The following CDK8 variants were observed in gnomAD, a reference collection of about 807,000 sequenced individuals.
CDK8 encodes cyclin dependent kinase 8.
A neutral mutation model predicts 71.5 loss-of-function variants in CDK8; 29 were observed. The ratio of observed to expected loss-of-function variants is 0.41; its 90% CI spans 0.30 to 0.55. The LOEUF (loss-of-function observed/expected upper bound fraction) is 0.55, where lower values mean the gene tolerates loss of function less well. Ranked by LOEUF, CDK8 falls within the 20% of genes least tolerant of loss-of-function variation. The probability of loss-of-function intolerance (pLI) is 0.37; values close to 1 mark genes in which losing one functional copy is unlikely to be tolerated. For missense variants in CDK8, 288 were observed against 572.6 expected, an observed-to-expected ratio of 0.50 and a Z score of 5.07; for synonymous variants, 161 against 192.1, an observed-to-expected ratio of 0.84 and a Z score of 1.34.
intron 1 of CDK8, among the ~76,000 whole-genome samples, chr13:26,263,748 C>T (rs1484120858): frequency 7.3e-6 from 1 of 137,596 alleles, no homozygotes; most frequent in Non-Finnish European, 1.5e-5. Context: ...TAAAAGACTC[C>T]CTTTTTTTTT....
chr13:26,341,967 CTGGAGTACAG>C (rs1873260256), intron 2 of CDK8, among the ~76,000 whole-genome samples: 1 of 152,104 alleles, frequency 6.6e-6, no homozygotes, highest in Admixed American at 6.6e-5. Flanking sequence ...TTTCCCCAGG[CTGGAGTACAG>C]TGGCGCAATC....
intron 3 of CDK8, among the ~76,000 whole-genome samples, chr13:26,349,392 AAAG>A (rs1873594393): frequency 6.6e-6 from 1 of 152,252 alleles, no homozygotes; most frequent in Admixed American, 6.5e-5. Flanking sequence ...AACAGATACT[AAAG>A]AAAACAATAG....
intron 4 of CDK8, among the ~76,000 whole-genome samples, chr13:26,362,994 T>A: frequency 2.3e-4 from 1 of 4,318 alleles, no homozygotes; most frequent in South Asian, 6.8e-3. Context: ...TTCATTGTAG[T>A]TTTTTTTTTT....
chr13:26,403,827 A>T, intron 12 of CDK8, 129 bp from the exon 13 acceptor site: 1 of 1,113,320 alleles, frequency 9.0e-7, no homozygotes, highest in Non-Finnish European at 1.3e-6. Context: ...TTTAATTATA[A>T]AGTTAGTACA....
chr13:26,303,730 C>T (rs913331079), intron 1 of CDK8, among the ~76,000 whole-genome samples: 3 of 152,032 alleles, frequency 2.0e-5, no homozygotes, highest in African/African-American at 7.2e-5. Flanking sequence ...AGGATATGGC[C>T]AATTTTTATA....
At chr13:26,374,721 AAT>A (rs545275631) in intron 4 of CDK8, among the ~76,000 whole-genome samples, 197 of 152,296 alleles carry the variant, frequency 1.3e-3, no homozygotes, top group African/African-American at 4.5e-3. Context: ...TGCAAATTAA[AAT>A]ATGTTACATT....
chr13:26,265,223 T>C (rs999563697), intron 1 of CDK8, among the ~76,000 whole-genome samples: 1 of 152,174 alleles, frequency 6.6e-6, no homozygotes, highest in African/African-American at 2.4e-5. Context: ...CTGTGCCAGA[T>C]GTAGGTGATT....
chr13:26,383,018 T>C (rs1227359863), intron 5 of CDK8, 147 bp downstream of exon 5: 1 of 485,284 alleles, frequency 2.1e-6, no homozygotes, highest in East Asian at 3.2e-5. Context: ...TGCATAAAAG[T>C]GAAAAATGTT....
At chr13:26,400,203 GT>G (rs1876189318) in intron 9 of CDK8, 1 of 408,518 alleles carries the variant, frequency 2.4e-6, no homozygotes, top group Admixed American at 4.2e-5. Flanking sequence ...GATAATGGGG[GT>G]GGGGATCCAT....
chr13:26,303,656 C>T (rs1263249916), intron 1 of CDK8, among the ~76,000 whole-genome samples: 1 of 152,142 alleles, frequency 6.6e-6, no homozygotes. Context: ...CATTTATGAT[C>T]TTACATAGAA....
intron 1 of CDK8, among the ~76,000 whole-genome samples, chr13:26,304,323 G>T (rs901205737): frequency 6.6e-6 from 1 of 150,780 alleles, no homozygotes; most frequent in African/African-American, 2.4e-5. Context: ...CAATATGTAA[G>T]TTCAATTTTA....
At chr13:26,269,653 T>C (rs189552738) in intron 1 of CDK8, among the ~76,000 whole-genome samples, 43 of 152,312 alleles carry the variant, frequency 2.8e-4, no homozygotes, top group Non-Finnish European at 5.7e-4. Flanking sequence ...TACATGTCAC[T>C]TTAAAACAAT....
At chr13:26,287,537 A>G (rs2137895367) in intron 1 of CDK8, among the ~76,000 whole-genome samples, 1 of 152,124 alleles carries the variant, frequency 6.6e-6, no homozygotes, top group Admixed American at 6.5e-5. Context: ...CAAAGGCATA[A>G]GAGTGATATA....
chr13:26,313,888 T>C (rs144942081), intron 1 of CDK8, among the ~76,000 whole-genome samples: 217 of 152,104 alleles, frequency 1.4e-3, no homozygotes, highest in East Asian at 4.8e-3. Context: ...ACTGAATAGA[T>C]AGATGGAATA....
intron 4 of CDK8, among the ~76,000 whole-genome samples, chr13:26,380,450 G>A (rs1352534181): frequency 1.3e-5 from 2 of 152,094 alleles, no homozygotes; most frequent in African/African-American, 2.4e-5. Flanking sequence ...TGAAGTGCTG[G>A]GATTACAGGT....
chr13:26,400,418 C>T (rs1323521736), intron 9 of CDK8, 35 bp from the exon 10 acceptor site: 2 of 1,220,978 alleles, frequency 1.6e-6, no homozygotes, highest in East Asian at 2.3e-5. Context: ...CTGTGAGAAG[C>T]AATACCGTCA....
At chr13:26,301,187 C>T (rs1280473673) in intron 1 of CDK8, among the ~76,000 whole-genome samples, 1 of 141,658 alleles carries the variant, frequency 7.1e-6, no homozygotes, top group Admixed American at 7.1e-5. Flanking sequence ...GGTTCAGCTT[C>T]AATAAATCTG....
chr13:26,378,925 A>G (rs752471564), intron 4 of CDK8, among the ~76,000 whole-genome samples: 5 of 152,228 alleles, frequency 3.3e-5, no homozygotes, highest in Admixed American at 6.5e-5. Context: ...AAGTACTAAA[A>G]CAAAAATTAT....
intron 1 of CDK8, among the ~76,000 whole-genome samples, chr13:26,322,601 T>G (rs1450673476): frequency 6.6e-6 from 1 of 152,226 alleles, no homozygotes; most frequent in African/African-American, 2.4e-5. Flanking sequence ...TACCTGTATC[T>G]GGGACTACTA....
Sources: allele counts gnomAD v4.1 joint callset (sites outside exome capture counted in the v4.1 genomes callset), GRCh38; gene constraint gnomAD v4.1.1; transcripts MANE v1.5; gene names NCBI Gene and HGNC (gene_info 2026-07-23, HGNC 2026-07-21).